Variants in SYCP1 observed in about 807,000 individuals in gnomAD.
SYCP1 encodes synaptonemal complex protein 1.
A neutral mutation model predicts 153.1 loss-of-function variants in SYCP1; 64 were observed. The observed-to-expected ratio is 0.42, with a 90% CI of 0.34 to 0.51. SYCP1 has a LOEUF of 0.51. Among genes scored for constraint, SYCP1 ranks in the 20% least tolerant of loss-of-function variants. The pLI, the probability that SYCP1 is intolerant of heterozygous loss-of-function variation, is 0.06. For missense variants in SYCP1, 997 were observed against 1,049.0 expected (o/e 0.95, Z 0.68); for synonymous variants, 384 against 341.8 (o/e 1.12, Z -1.36).
In SYCP1 at chr1:114,995,212, AG is replaced by A. The variant is rs1477286397; in HGVS notation, c.*194del. 6.6e-6 allele frequency: 3 copies of A among 451,800 alleles called. No homozygotes were observed. In the East Asian group the frequency reaches 1.1e-4, roughly 16 times the overall value. 28.0% of individuals were successfully genotyped at this position (451,800 alleles called of 1,614,324 possible). ...TGTCTGGAAACCTGTCATTGTATTC[AG>A]ATAATTAGATGATTATATATTGTTG... On this transcript the variant is annotated 3_prime_UTR_variant, in exon 32 of 32. Coordinates refer to ENST00000369522, the MANE Select transcript of SYCP1 (RefSeq NM_003176.4).
At chr1:114,958,871 A>G (rs1287308802) in intron 27 of SYCP1, among the ~76,000 whole-genome samples, 1 of 149,430 alleles carries the variant, frequency 6.7e-6, no homozygotes, top group African/African-American at 2.5e-5. Context: ...TGGAGCTTGC[A>G]GTGAGCCGAG....
At position 114,919,625 on chromosome 1, in the gene SYCP1, G is replaced by A. The variant is rs138547571; in HGVS notation, c.1719-3824G>A. Among the ~76,000 whole-genome samples the A allele has an allele frequency of 3.4e-3, 522 of 152,120 alleles. 3 individuals are homozygous for A. The highest frequency in any genetic ancestry group is 0.012 in the African/African-American group (493 of 41,532). On this transcript the variant is annotated intron_variant, in intron 20 of 31. Transcript: ENST00000369522. ...AAAAATTCAGCAGTGAAGCCATCAG[G>A]TCCTGGGTTTTTCTTTGCTGGAAGA...
At chr1:114,986,416 T>C (rs771572254) in intron 30 of SYCP1, among the ~76,000 whole-genome samples, 1 of 152,052 alleles carries the variant, frequency 6.6e-6, no homozygotes, top group African/African-American at 2.4e-5. Flanking sequence ...TTCTAGCAGT[T>C]TGAGTTTAGG....
Position 114,947,279 on chromosome 1 carries a change from T to C in SYCP1, c.2281T>C (p.Leu761=), listed in dbSNP as rs1265304024. The C allele has an allele frequency of 1.2e-6, 2 of 1,613,044 alleles. No individual in the cohort carries two copies. Among genetic ancestry groups the C allele is most frequent in the African/African-American group, 1.3e-5 (1 of 74,858 alleles). The change falls in exon 27 of 32, where the codon TTG becomes CTG. Residue 761 remains leucine (L), a synonymous_variant. Transcript: ENST00000369522. ...ACTATCCAATCTCAAAGCTGAACTT[T>C]TGTCTGTTAAGAAGCAACTTGAAAT... ...IELSNLKAEL[L]SVKKQLEIER...
At position 114,858,580 on chromosome 1, in the gene SYCP1, C is replaced by T. The variant is rs1664168435; in HGVS notation, c.325C>T (p.Leu109=). ...SEGLSRVYSK[L]YKEAEKIKKW... ...GGGATTGAGCAGAGTGTATTCAAAA[C>T]TGTATAAGGAGGCTGAAAAGATAAA... Residue 109 remains leucine (L), a synonymous_variant, in exon 6 of 32, where the codon CTG becomes TTG. Coordinates refer to ENST00000369522, the MANE Select transcript of SYCP1 (RefSeq NM_003176.4). The T allele has an allele frequency of 6.2e-7, 1 of 1,608,590 alleles. No homozygotes were observed. Among genetic ancestry groups the T allele is most frequent in the African/African-American group, 1.3e-5 (1 of 74,624 alleles).
At chr1:114,887,076 T>C (rs1666362111) in intron 14 of SYCP1, among the ~76,000 whole-genome samples, 1 of 152,032 alleles carries the variant, frequency 6.6e-6, no homozygotes, top group Non-Finnish European at 1.5e-5. Context: ...CTCTGTTGCT[T>C]GTGCATGGTG....
chr1:114,855,375 A>G (rs1663864874), intron 1 of SYCP1, 66 bp from the exon 2 acceptor site: 2 of 885,070 alleles, frequency 2.3e-6, no homozygotes, highest in Non-Finnish European at 3.6e-6. Flanking sequence ...TAAAGAATAC[A>G]TAGTGTATTC....
At chr1:114,875,261 CTTTT>C (rs561059800) in intron 9 of SYCP1, among the ~76,000 whole-genome samples, 1 of 112,024 alleles carries the variant, frequency 8.9e-6, no homozygotes, top group Non-Finnish European at 1.9e-5. Context: ...ACTTTGTCTT[CTTTT>C]TTTTTTTTTT....
chr1:114,951,190 A>C (rs1452274266), intron 27 of SYCP1, among the ~76,000 whole-genome samples: 1 of 152,206 alleles, frequency 6.6e-6, no homozygotes, highest in Non-Finnish European at 1.5e-5. Context: ...GAAAATGTTG[A>C]TGGAATTCTA....
At chr1:114,857,157 A>AAAATT in intron 3 of SYCP1, 75 bp from the exon 4 acceptor site, 1 of 880,800 alleles carries the variant, frequency 1.1e-6, no homozygotes, top group Non-Finnish European at 1.6e-6. Flanking sequence ...AAAAAAAAAA[A>AAAATT]GAGAAAAAAG....
At chr1:114,862,964 A>G (rs2101326816) in intron 8 of SYCP1, 1 of 152,312 alleles carries the variant, frequency 6.6e-6, no homozygotes, top group South Asian at 2.1e-4. Flanking sequence ...AGCAGTGAAC[A>G]AAGTCTCTAC....
chr1:114,882,209 CAAA>C (rs1344360302), intron 12 of SYCP1, among the ~76,000 whole-genome samples: 18 of 152,008 alleles, frequency 1.2e-4, no homozygotes, highest in South Asian at 2.1e-4. Flanking sequence ...AACAAACAAA[CAAA>C]CAAACCAAAC....
At chr1:114,991,991 G>C (rs1673957831) in intron 30 of SYCP1, among the ~76,000 whole-genome samples, 1 of 151,710 alleles carries the variant, frequency 6.6e-6, no homozygotes, top group Non-Finnish European at 1.5e-5. Context: ...AATTGATTAT[G>C]TTTTTATATA....
chr1:114,994,759 C>T lies in SYCP1; in HGVS notation c.2765C>T (p.Ser922Phe), dbSNP rs1674164127. Residue 922 changes from serine (S) to phenylalanine (F), a missense_variant, in exon 31 of 32, where the codon TCT becomes TTT. Ser to Phe is a radical substitution (Grantham distance 155). Around this residue, in one of 2 missense-constraint regions of SYCP1, gnomAD observed 712 missense variants for 682.9 expected, o/e 1.04. Transcript: ENST00000369522. The stretch of plus-strand genomic sequence containing the variant: ...TATAGGAACAATAATCCACCAGCTT[C>T]TCATCTTTGTGTCAAAACACCAAAA... ...TLYRNNNPPA[S>F]HLCVKTPKKA... is the part of the protein sequence containing the mutation. 1 of 1,593,450 alleles carries T rather than the reference C, an allele frequency of 6.3e-7. No homozygotes were observed. Among genetic ancestry groups the T allele is most frequent in the African/African-American group, 1.4e-5 (1 of 73,592 alleles).
intron 16 of SYCP1, among the ~76,000 whole-genome samples, chr1:114,900,161 GTTTTT>G (rs1667329468): frequency 6.6e-6 from 1 of 152,112 alleles, no homozygotes; most frequent in Non-Finnish European, 1.5e-5. Context: ...CACACACAGA[GTTTTT>G]GCAAGATTAG....
At chr1:114,861,799 C>CTTTTTTTTTTTTTTTTTTTTTATTT (rs1334859101) in intron 8 of SYCP1, among the ~76,000 whole-genome samples, 1 of 129,908 alleles carries the variant, frequency 7.7e-6, no homozygotes. Flanking sequence ...TTTTTTTATT[C>CTTTTTTTTTTTTTTTTTTTTTATTT]TTTTTTTTTT....
rs771129520 is a variant in SYCP1, at chr1:114,994,952, G to A, written c.2864G>A (p.Arg955His). 8.7e-6 allele frequency: 14 copies of A among 1,608,324 alleles called. No individual in the cohort carries two copies. Among genetic ancestry groups the A allele is most frequent in the African/African-American group, 8.1e-5 (6 of 74,474 alleles). ...FGAIRKMRED[R>H]WAVIAKMDRK... ...GCTATAAGAAAAATGCGGGAGGACC[G>A]TTGGGCTGTAATTGCTAAAATGGAT... is the stretch of plus-strand genomic sequence containing the variant. The change falls in exon 32 of 32, where the codon CGT becomes CAT. Residue 955 changes from arginine (R) to histidine (H), a missense_variant. Coordinates refer to ENST00000369522, the MANE Select transcript of SYCP1 (RefSeq NM_003176.4).
intron 11 of SYCP1, among the ~76,000 whole-genome samples, chr1:114,877,498 T>C (rs1053211969): frequency 3.3e-5 from 5 of 152,182 alleles, no homozygotes; most frequent in African/African-American, 1.2e-4. Flanking sequence ...AACAAGGATA[T>C]CTACTTAATA....
chr1:114,911,609 G>A (rs761713464), intron 18 of SYCP1, 27 bp downstream of exon 18: 5 of 1,276,876 alleles, frequency 3.9e-6, no homozygotes, highest in Non-Finnish European at 4.2e-6. Context: ...TCTAAAAATA[G>A]TTTATGTACT....
Sources: gnomAD v4.1 joint callset for allele counts (sites outside exome capture counted in the v4.1 genomes callset) on GRCh38, gnomAD v4.1.1 for gene constraint, gnomAD v4.1.1 regional missense constraint, MANE v1.5 for transcripts, NCBI Gene and HGNC (gene_info 2026-07-23, HGNC 2026-07-21) for gene names.